EIF5B: variants seen among roughly 807,000 people sequenced by gnomAD.
The protein encoded by EIF5B is eIF-5B.
A neutral mutation model predicts 147.5 loss-of-function variants in EIF5B; 47 were observed. That is an observed-to-expected ratio of 0.32 (90% CI 0.25 to 0.41). The LOEUF is 0.41. Among genes scored for constraint, EIF5B ranks in the 10% least tolerant of loss-of-function variants. EIF5B has a pLI of 1.00. For synonymous variants in EIF5B, 455 were observed against 456.2 expected, an observed-to-expected ratio of 1.00 and a Z score of 0.03; for missense variants, 1,064 against 1,413.2, an observed-to-expected ratio of 0.75 and a Z score of 3.96.
chr2:99,390,925 C>T (rs1674915264), intron 17 of EIF5B, among the ~76,000 whole-genome samples: 1 of 152,108 alleles, frequency 6.6e-6, no homozygotes, highest in Admixed American at 6.5e-5. Context: ...TTGCCAGATT[C>T]TAAACTACAC....
intron 14 of EIF5B, among the ~76,000 whole-genome samples, 200 bp downstream of exon 14, chr2:99,383,121 C>T (rs926669860): frequency 6.6e-6 from 1 of 151,626 alleles, no homozygotes; most frequent in African/African-American, 2.4e-5. Flanking sequence ...TTGTAGCAGC[C>T]TTGCATCAAG....
At chr2:99,371,752 A>G (rs770328875) in intron 9 of EIF5B, 22 bp downstream of exon 9, 4 of 1,594,660 alleles carry the variant, frequency 2.5e-6, no homozygotes, top group East Asian at 4.5e-5. Context: ...ATAAGCACAC[A>G]CTGATACATC....
chr2:99,382,643 G>A lies in EIF5B; in HGVS notation c.2130-137G>A, dbSNP rs940625305. The A allele has an allele frequency of 1.6e-4, 132 of 849,986 alleles. 1 individual carries two copies. Among genetic ancestry groups the A allele is most frequent in the African/African-American group, 5.1e-4 (29 of 57,128 alleles). 52.7% of individuals were successfully genotyped at this position (849,986 alleles called of 1,614,324 possible). A position where few individuals can be genotyped will look rare whatever the true frequency, so the allele number is the denominator to read the frequency against. On this transcript the variant is annotated intron_variant, in intron 13 of 23. Coordinates refer to ENST00000289371, the MANE Select transcript of EIF5B (RefSeq NM_015904.4). Reference sequence around the variant, plus strand: ...TGATTGGTAGATGAGCCTTTGGCAAGTTAAGGGCTAATAGTACTTGAACAA... The same window carrying A: ...TGATTGGTAGATGAGCCTTTGGCAAATTAAGGGCTAATAGTACTTGAACAA...
chr2:99,377,283 C>T (rs1674585686), intron 10 of EIF5B, among the ~76,000 whole-genome samples: 1 of 151,702 alleles, frequency 6.6e-6, no homozygotes, highest in Non-Finnish European at 1.5e-5. Context: ...TATATATCAA[C>T]ATTTGCTTTT....
Position 99,390,643 on chromosome 2 carries a change from C to G in EIF5B, c.2686C>G (p.Pro896Ala). Residue 896 changes from proline (P) to alanine (A), a missense_variant, in exon 17 of 24, where the codon CCC becomes GCC. Pro to Ala is a conservative substitution (Grantham distance 27, BLOSUM62 -1). Coordinates refer to ENST00000289371, the MANE Select transcript of EIF5B (RefSeq NM_015904.4). ...DTIIVPGVEGPIVTQIRGLLL... is the reference protein window; with the variant it reads ...DTIIVPGVEGAIVTQIRGLLL... ...AATCATTGTTCCTGGAGTAGAAGGG[C>G]CCATTGTAACTCAGATTCGAGGCCT... The G allele has an allele frequency of 1.2e-6, 2 of 1,612,104 alleles. No homozygotes were observed.
At chr2:99,369,743 G>A (rs1232546487) in intron 8 of EIF5B, among the ~76,000 whole-genome samples, 1 of 152,202 alleles carries the variant, frequency 6.6e-6, no homozygotes, top group African/African-American at 2.4e-5. Flanking sequence ...TTGGGAGGGT[G>A]AGGCAGATGG....
chr2:99,394,364 C>G lies in EIF5B; in HGVS notation c.2978C>G (p.Ala993Gly). Reference protein sequence around the residue: ...VQASTLGSLEALLEFLKTSEV... With the variant: ...VQASTLGSLEGLLEFLKTSEV... ...GCATCTACACTGGGTTCTTTGGAAGCTCTACTGGAATTTCTGAAAACATCA... is the reference window on the plus strand; with the variant it reads ...GCATCTACACTGGGTTCTTTGGAAGGTCTACTGGAATTTCTGAAAACATCA... Residue 993 changes from alanine (A) to glycine (G), a missense_variant, in exon 19 of 24, where the codon GCT (alanine) becomes GGT (glycine). Coordinates refer to ENST00000289371, the MANE Select transcript of EIF5B (RefSeq NM_015904.4). The G allele has an allele frequency of 6.2e-7, 1 of 1,614,036 alleles. No individual in the cohort carries two copies. Among genetic ancestry groups the G allele is most frequent in the Non-Finnish European group, 8.5e-7 (1 of 1,180,010 alleles).
Position 99,379,420 on chromosome 2 carries a change from A to G in EIF5B, c.2053A>G (p.Ile685Val), listed in dbSNP as rs1285244287. 3 of 1,607,562 alleles carry G rather than the reference A, an allele frequency of 1.9e-6. No individual in the cohort carries two copies. The highest frequency in any genetic ancestry group is 2.5e-6 in the Non-Finnish European group (3 of 1,176,982). ...AGCTATTAATGAACAGACTAAGATG[A>G]TTAAAAATGTAAGTACATTGTATTT... ...LEAINEQTKM[I>V]KNFDRENVRI... is the part of the protein sequence containing the mutation. The change falls in exon 12 of 24, where the codon ATT (isoleucine) becomes GTT (valine). Residue 685 changes from isoleucine to valine, a missense_variant. Ile to Val is a conservative substitution (Grantham distance 29). This residue lies in a region of EIF5B where 380 missense variants were observed against 715.6 expected (regional missense o/e 0.53). Coordinates refer to ENST00000289371, the MANE Select transcript of EIF5B (RefSeq NM_015904.4).
chr2:99,390,532 A>G lies in EIF5B; in HGVS notation c.2587-12A>G, dbSNP rs1445129240. On this transcript the variant is annotated splice_polypyrimidine_tract_variant and intron_variant, in intron 16 of 23. Coordinates refer to ENST00000289371, the MANE Select transcript of EIF5B (RefSeq NM_015904.4). ...GTATGTATGTCTTTCTCTTTGCATT[A>G]ATGCCTTTTAGGTTAAAGCTCTCCC... is the stretch of plus-strand genomic sequence containing the variant. 2 of 1,600,878 alleles carry G rather than the reference A, an allele frequency of 1.2e-6. No homozygotes were observed. Among genetic ancestry groups the G allele is most frequent in the Non-Finnish European group, 1.7e-6 (2 of 1,170,594 alleles).
intron 1 of EIF5B, among the ~76,000 whole-genome samples, chr2:99,344,652 G>A (rs546703368): frequency 2.0e-5 from 3 of 152,220 alleles, no homozygotes; most frequent in Non-Finnish European, 4.4e-5. Context: ...GGCCAGGCTG[G>A]TCTCAAACTC....
At chr2:99,384,057 C>T (rs948719248) in intron 14 of EIF5B, among the ~76,000 whole-genome samples, 5 of 151,446 alleles carry the variant, frequency 3.3e-5, no homozygotes, top group South Asian at 4.2e-4. Flanking sequence ...GTTAGCCGGG[C>T]GTAGTGGCGG....
At chr2:99,340,810 C>A (rs1010722774) in intron 1 of EIF5B, 4 of 151,716 alleles carry the variant, frequency 2.6e-5, no homozygotes, top group Non-Finnish European at 4.4e-5. Context: ...TGCTCTGTCA[C>A]CCCGGGTGGA....
At chr2:99,399,080 T>C (rs1675136227) in intron 23 of EIF5B, 171 bp downstream of exon 23, 2 of 868,070 alleles carry the variant, frequency 2.3e-6, no homozygotes, top group South Asian at 1.8e-5. Flanking sequence ...GAAGTTGCTC[T>C]ATCAGGAAAG....
intron 14 of EIF5B, among the ~76,000 whole-genome samples, chr2:99,388,093 A>C (rs1226884341): frequency 6.6e-6 from 1 of 152,122 alleles, no homozygotes; most frequent in Non-Finnish European, 1.5e-5. Flanking sequence ...TAGCATGAAA[A>C]CTTCTTAAAT....
rs889505116 is a variant in EIF5B at position 99,401,156 on chromosome 2, C to T, written c.*1742C>T. ...AAGAAATTTAAAATTATAAAAACTC[C>T]GAGCATTACTATCATGCACTTTGCA... On this transcript the variant is annotated 3_prime_UTR_variant, in exon 24 of 24. Transcript: ENST00000289371. 10 of 719,738 alleles carry T rather than the reference C, an allele frequency of 1.4e-5. No individual in the cohort carries two copies. The highest frequency in any genetic ancestry group is 8.0e-5 in the East Asian group (3 of 37,562). The allele number at this position is 719,738 out of a possible 1,614,324, so 44.6% of individuals were successfully genotyped here.
intron 13 of EIF5B, 63 bp downstream of exon 13, chr2:99,382,289 T>C: frequency 3.6e-6 from 5 of 1,401,466 alleles, no homozygotes; most frequent in Non-Finnish European, 5.0e-6. Context: ...GTCTAAAAGT[T>C]CAGCAGAGTC....
In EIF5B at chr2:99,337,597, G is replaced by C; in HGVS notation, c.35+8G>C. 1 of 1,612,418 alleles carries C rather than the reference G, an allele frequency of 6.2e-7. No individual in the cohort carries two copies. Among genetic ancestry groups the C allele is most frequent in the South Asian group, 1.1e-5 (1 of 90,926 alleles). On this transcript the variant is annotated splice_region_variant and intron_variant, in intron 1 of 23. Coordinates refer to ENST00000289371, the MANE Select transcript of EIF5B (RefSeq NM_015904.4). ...AAACAAGAGCGAAGACAGGTAGATA[G>C]GGGTTGGGTCCGTACGGCGGCGGCC... is the stretch of plus-strand genomic sequence containing the variant.
In EIF5B at chr2:99,395,370, G is replaced by C. The variant is rs965095214; in HGVS notation, c.3254+487G>C. 2.0e-5 allele frequency among the ~76,000 whole-genome samples: 3 copies of C among 152,182 alleles called. No homozygotes were observed. In the East Asian group the frequency reaches 5.8e-4, roughly 29 times the overall value. On this transcript the variant is annotated intron_variant, in intron 21 of 23. Transcript: ENST00000289371. Reference sequence around the variant, plus strand: ...TCCCTTTGAGACAGGGTCTCGTTCTGTCACCCATGCTGCAGTACAGTGGCA... The same window carrying C: ...TCCCTTTGAGACAGGGTCTCGTTCTCTCACCCATGCTGCAGTACAGTGGCA...
intron 12 of EIF5B, among the ~76,000 whole-genome samples, chr2:99,380,784 A>G (rs1674672194): frequency 6.6e-6 from 1 of 152,134 alleles, no homozygotes; most frequent in African/African-American, 2.4e-5. Context: ...TTTCTTTGTG[A>G]CTGGGTTTTA....
Sources: gnomAD v4.1 joint callset for allele counts (sites outside exome capture counted in the v4.1 genomes callset) on GRCh38, gnomAD v4.1.1 for gene constraint, gnomAD v4.1.1 regional missense constraint, MANE v1.5 for transcripts, NCBI Gene and HGNC (gene_info 2026-07-23, HGNC 2026-07-21) for gene names.